TMEM94: variants seen among roughly 807,000 people sequenced by gnomAD.
The protein encoded by TMEM94 is transmembrane protein 94.
In TMEM94, 81 loss-of-function variants were observed where a neutral mutation model predicts 158.6. The ratio of observed to expected loss-of-function variants is 0.51; its 90% CI spans 0.43 to 0.61. The LOEUF (loss-of-function observed/expected upper bound fraction) is 0.61. Among genes scored for constraint, TMEM94 ranks in the 20% least tolerant of loss-of-function variants. TMEM94 has a pLI of 0.00. For missense variants in TMEM94, 1,435 were observed against 1,762.0 expected, an observed-to-expected ratio of 0.81 and a Z score of 3.32; for synonymous variants, 751 against 730.7, an observed-to-expected ratio of 1.03 and a Z score of -0.45.
rs765644716 is a variant in TMEM94, at chr17:75,494,966, T to C, written c.2660T>C (p.Met887Thr). ...CHISLTPNGD[M>T]PGSEIPPSSP... ...ATCTCCCTCACACCCAATGGTGACATGCCTGGCTCCGAGATCCCCCCCTCC... is the reference window on the plus strand; with the variant it reads ...ATCTCCCTCACACCCAATGGTGACACGCCTGGCTCCGAGATCCCCCCCTCC... The change falls in exon 20 of 32, where the codon ATG becomes ACG. Residue 887 changes from methionine (M) to threonine (T), a missense_variant. By Grantham distance (81) the Met-to-Thr change is moderately conservative (BLOSUM62 -1). Coordinates refer to ENST00000314256, the MANE Select transcript of TMEM94 (RefSeq NM_014738.6). 6.2e-7 allele frequency: 1 copy of C among 1,611,078 alleles called. No individual in the cohort carries two copies. The highest frequency in any genetic ancestry group is 1.3e-5 in the African/African-American group (1 of 74,704).
At chr17:75,483,343 T>G (rs1007012674) in intron 2 of TMEM94, among the ~76,000 whole-genome samples, 1 of 152,030 alleles carries the variant, frequency 6.6e-6, no homozygotes, top group Non-Finnish European at 1.5e-5. Flanking sequence ...GGGTGGAGTT[T>G]GGGCAAGCAT....
chr17:75,486,557 G>A, intron 5 of TMEM94, 131 bp downstream of exon 5: 2 of 1,099,864 alleles, frequency 1.8e-6, no homozygotes, highest in Non-Finnish European at 2.6e-6. Flanking sequence ...TGTCATCTGG[G>A]GAGTTAGAAG....
In TMEM94 at chr17:75,498,068, C is replaced by T. The variant is rs1299229377; in HGVS notation, c.3490-107C>T. On this transcript the variant is annotated intron_variant, in intron 27 of 31. Transcript: ENST00000314256. This position sits in a 1 kb window ranked among gnomAD's most constrained non-coding sequence, Gnocchi z 6.7. ...CTTGCTGGGGCTTGAGCTCCCTATCCCCCCAGGCCTGACCATTTACTAAGA... is the reference window on the plus strand; with the variant it reads ...CTTGCTGGGGCTTGAGCTCCCTATCTCCCCAGGCCTGACCATTTACTAAGA... 6.2e-6 allele frequency: 9 copies of T among 1,445,110 alleles called. No individual in the cohort carries two copies. The highest frequency in any genetic ancestry group is 2.8e-5 in the African/African-American group (2 of 71,252). 89.5% of individuals were successfully genotyped at this position (1,445,110 alleles called of 1,614,324 possible).
intron 1 of TMEM94, among the ~76,000 whole-genome samples, chr17:75,468,028 A>G (rs891856154): frequency 3.9e-5 from 6 of 152,188 alleles, no homozygotes; most frequent in Admixed American, 6.5e-5. Context: ...AGATATTGTC[A>G]TTTCCATTCT....
At chr17:75,459,975 C>G (rs970575114) in intron 1 of TMEM94, among the ~76,000 whole-genome samples, 1 of 152,118 alleles carries the variant, frequency 6.6e-6, no homozygotes, top group African/African-American at 2.4e-5. Context: ...CCGAGCAGAC[C>G]CGCCAGCCAG....
At chr17:75,497,672 C>A in intron 26 of TMEM94, 109 bp from the exon 27 acceptor site, 1 of 809,734 alleles carries the variant, frequency 1.2e-6, no homozygotes, top group Non-Finnish European at 2.1e-6. Flanking sequence ...TATTCCATCC[C>A]CTCACCAGAC....
Position 75,493,402 on chromosome 17 carries a change from G to A in TMEM94, c.2087-89G>A, listed in dbSNP as rs968633280. ...CCTCCTCTGGCAGGGGCTCCTCAGC[G>A]CCCTTCTCCAGGAGGACAGTGCGTT... On this transcript the variant is annotated intron_variant, in intron 16 of 31. Coordinates refer to ENST00000314256, the MANE Select transcript of TMEM94 (RefSeq NM_014738.6). The A allele has an allele frequency of 2.5e-5, 34 of 1,334,454 alleles. 1 individual carries two copies. The Middle Eastern group carries it at 8.9e-4, about 35-fold the overall frequency. The allele number at this position is 1,334,454 out of a possible 1,614,324, so 82.7% of individuals were successfully genotyped here. A position where few individuals can be genotyped will look rare whatever the true frequency, so the allele number is the denominator to read the frequency against.
chr17:75,494,646 G>C lies in TMEM94; in HGVS notation c.2427G>C (p.Leu809=), dbSNP rs1279683022. The C allele has an allele frequency of 6.2e-7, 1 of 1,613,542 alleles. No homozygotes were observed. Residue 809 remains leucine, a synonymous_variant, in exon 19 of 32, where the codon CTG becomes CTC. Coordinates refer to ENST00000314256, the MANE Select transcript of TMEM94 (RefSeq NM_014738.6). Reference sequence around the variant, plus strand: ...CTGAAGAAGGGATCGGGGAGGTGCTGGAGAAGGAAGACTGCATGCAGGCCC... The same window carrying C: ...CTGAAGAAGGGATCGGGGAGGTGCTCGAGAAGGAAGACTGCATGCAGGCCC... ...WSSDEGIGEV[L]EKEDCMQALS...
intron 1 of TMEM94, among the ~76,000 whole-genome samples, chr17:75,471,295 A>C (rs1301599440): frequency 2.0e-5 from 3 of 151,402 alleles, no homozygotes; most frequent in Non-Finnish European, 2.9e-5. Context: ...AAAGAGAGAA[A>C]GTTTGTACCC....
rs2052203916 is a variant in TMEM94, at chr17:75,491,694, C to A, written c.1390C>A (p.His464Asn). 1 of 1,614,014 alleles carries A rather than the reference C, an allele frequency of 6.2e-7. No individual in the cohort carries two copies. Among genetic ancestry groups the A allele is most frequent in the African/African-American group, 1.3e-5 (1 of 75,056 alleles). ...CTGTGCTCCTCATTCTCTTCAGCCCCATGAACGAGACGCCCTCCTGGCTGG... is the reference window on the plus strand; with the variant it reads ...CTGTGCTCCTCATTCTCTTCAGCCCAATGAACGAGACGCCCTCCTGGCTGG... ...STRSFCHPEP[H>N]ERDALLAGSL... Residue 464 changes from histidine (H) to asparagine (N), a missense_variant, in exon 14 of 32, where the codon CAT becomes AAT. By Grantham distance (68) the His-to-Asn change is moderately conservative. Coordinates refer to ENST00000314256, the MANE Select transcript of TMEM94 (RefSeq NM_014738.6). The surrounding 1 kb of genome is among the most constrained non-coding windows in gnomAD (Gnocchi z 5.1).
chr17:75,497,817 C>T lies in TMEM94; in HGVS notation c.3444C>T (p.Ile1148=). 1.2e-6 allele frequency: 2 copies of T among 1,614,004 alleles called. No homozygotes were observed. Among genetic ancestry groups the T allele is most frequent in the African/African-American group, 2.7e-5 (2 of 75,054 alleles). The change falls in exon 27 of 32, where the codon ATC becomes ATT. Residue 1148 remains isoleucine, a synonymous_variant. Transcript: ENST00000314256. ...SLLGKPPHSS[I]MSMATGKNLQ... ...TGGGGAAGCCCCCCCATAGCTCCATCATGTCTATGGCAACGGGGAAAAACC... is the reference window on the plus strand; with the variant it reads ...TGGGGAAGCCCCCCCATAGCTCCATTATGTCTATGGCAACGGGGAAAAACC...
rs755411201 is a variant in TMEM94, at chr17:75,499,366, G to A, written c.*32G>A. On this transcript the variant is annotated 3_prime_UTR_variant, in exon 32 of 32. Coordinates refer to ENST00000314256, the MANE Select transcript of TMEM94 (RefSeq NM_014738.6). ...GGCTGTGGTGGCTGTAGTTGCCCCC[G>A]TCCCTGGGGCTAAAGCCAGACCCAT... 56 of 1,593,902 alleles carry A rather than the reference G, an allele frequency of 3.5e-5. No individual in the cohort carries two copies. Among genetic ancestry groups the A allele is most frequent in the East Asian group, 1.3e-4 (6 of 44,796 alleles).
At position 75,492,991 on chromosome 17, in the gene TMEM94, C is replaced by T; in HGVS notation, c.1975C>T (p.Pro659Ser). The T allele has an allele frequency of 6.2e-7, 1 of 1,613,844 alleles. No individual in the cohort carries two copies. The highest frequency in any genetic ancestry group is 1.1e-5 in the South Asian group (1 of 91,088). ...GAACCATCTGGCGCTGTACCGCCTC[C>T]CCAGTGCCGAGACAATGAAGGAGAC... ...QENHLALYRL[P>S]SAETMKETSL... The change falls in exon 16 of 32, where the codon CCC (proline) becomes TCC (serine). Residue 659 changes from proline (P) to serine (S), a missense_variant. This residue lies in a region of TMEM94 where 1,051 missense variants were observed against 1,254.4 expected (regional missense o/e 0.84). Coordinates refer to ENST00000314256, the MANE Select transcript of TMEM94 (RefSeq NM_014738.6). The surrounding 1 kb of genome is among the most constrained non-coding windows in gnomAD (Gnocchi z 4.4).
At position 75,491,269 on chromosome 17, in the gene TMEM94, G is replaced by T; in HGVS notation, c.1234-34G>T. 1 of 1,589,000 alleles carries T rather than the reference G, an allele frequency of 6.3e-7. No individual in the cohort carries two copies. Among genetic ancestry groups the T allele is most frequent in the Admixed American group, 1.7e-5 (1 of 59,232 alleles). Reference sequence around the variant, plus strand: ...CCCTGGGCAGGATAGGCTAATGCCAGGCCCCTTTCCTATCTCAAATGCTTT... The same window carrying T: ...CCCTGGGCAGGATAGGCTAATGCCATGCCCCTTTCCTATCTCAAATGCTTT... On this transcript the variant is annotated intron_variant, in intron 12 of 31. Transcript: ENST00000314256. This position sits in a 1 kb window ranked among gnomAD's most constrained non-coding sequence, Gnocchi z 5.1.
chr17:75,479,660 G>C (rs1392505675), intron 2 of TMEM94, among the ~76,000 whole-genome samples: 1 of 151,590 alleles, frequency 6.6e-6, no homozygotes, highest in Non-Finnish European at 1.5e-5. Flanking sequence ...GCTCACACCT[G>C]TAATCCCAAC....
At chr17:75,490,138 G>T (rs2052027350) in intron 9 of TMEM94, 96 bp from the exon 10 acceptor site, 3 of 1,507,792 alleles carry the variant, frequency 2.0e-6, no homozygotes, top group Non-Finnish European at 1.8e-6. Flanking sequence ...GGCCCTTCCT[G>T]CCCAGGGAAT....
At chr17:75,466,976 G>GT (rs539661751) in intron 1 of TMEM94, among the ~76,000 whole-genome samples, 30,505 of 137,086 alleles carry the variant, frequency 0.22, 6,074 homozygotes, top group African/African-American at 0.54. Flanking sequence ...ATTTCTAAAG[G>GT]TTTTTTTTTT....
intron 1 of TMEM94, among the ~76,000 whole-genome samples, chr17:75,460,830 T>A (rs1333384586): frequency 1.3e-5 from 2 of 151,838 alleles, no homozygotes; most frequent in African/African-American, 4.8e-5. Flanking sequence ...AGGAAAAAAA[T>A]ACATAGTATA....
At chr17:75,479,105 T>C (rs2050948214) in intron 2 of TMEM94, among the ~76,000 whole-genome samples, 1 of 152,106 alleles carries the variant, frequency 6.6e-6, no homozygotes, top group Admixed American at 6.5e-5. Context: ...ACCAACCCAT[T>C]CTGAACTTCC....
Sources: allele counts gnomAD v4.1 joint callset (sites outside exome capture counted in the v4.1 genomes callset), GRCh38; gene constraint gnomAD v4.1.1; regional missense constraint gnomAD v4.1.1; non-coding constraint Gnocchi (gnomAD v3.1); transcripts MANE v1.5; gene names NCBI Gene and HGNC (gene_info 2026-07-23, HGNC 2026-07-21).